VPS13A: variants seen among roughly 807,000 people sequenced by gnomAD.
VPS13A encodes intermembrane lipid transfer protein VPS13A.
In VPS13A, 264 loss-of-function variants were observed where a neutral mutation model predicts 390.9. The observed-to-expected ratio is 0.68, with a 90% CI of 0.61 to 0.75. The LOEUF is 0.75. VPS13A is among the 30% of genes least tolerant of loss of function. The pLI is 0.00. For missense variants in VPS13A, 3,409 were observed against 3,733.9 expected (o/e 0.91, Z 2.27); for synonymous variants, 1,231 against 1,227.1 (o/e 1.00, Z -0.07).
Position 77,346,180 on chromosome 9 carries a change from A to AT in VPS13A, c.7289+1047dup, listed in dbSNP as rs574802493. Among the ~76,000 whole-genome samples the AT allele has an allele frequency of 1.8e-4, 27 of 150,772 alleles. No individual in the cohort carries two copies. In the South Asian group the frequency reaches 4.2e-3, roughly 23 times the overall value. On this transcript the variant is annotated intron_variant, in intron 52 of 71. Coordinates refer to ENST00000360280, the MANE Select transcript of VPS13A (RefSeq NM_033305.3). ...TTTCACCACATCCATGTTAACATCT[A>AT]TTTTTTTTTAATTTAAATTATGATC...
intron 58 of VPS13A, among the ~76,000 whole-genome samples, chr9:77,359,815 CAAA>C (rs1270153072): frequency 1.2e-4 from 7 of 59,640 alleles, no homozygotes; most frequent in South Asian, 1.1e-3. Context: ...AAGACTGTCT[CAAA>C]AAAAAAAAAA....
rs926538069 is a variant in VPS13A, at chr9:77,382,183, T to C, written c.9189+96T>C. 3.7e-6 allele frequency: 5 copies of C among 1,333,704 alleles called. No homozygotes were observed. In the African/African-American group the frequency reaches 4.5e-5, roughly 12 times the overall value. 82.6% of individuals were successfully genotyped at this position (1,333,704 alleles called of 1,614,324 possible). A position where few individuals can be genotyped will look rare whatever the true frequency, so the allele number is the denominator to read the frequency against. On this transcript the variant is annotated intron_variant, in intron 68 of 71. Transcript: ENST00000360280. Reference sequence around the variant, plus strand: ...ATATATATTAAATTATTTGGGCTTTTATCTATTTTGCTTAATTCCACTTAT... The same window carrying C: ...ATATATATTAAATTATTTGGGCTTTCATCTATTTTGCTTAATTCCACTTAT...
At chr9:77,355,274 C>T (rs113510809) in intron 54 of VPS13A, among the ~76,000 whole-genome samples, 1 of 152,186 alleles carries the variant, frequency 6.6e-6, no homozygotes, top group African/African-American at 2.4e-5. Flanking sequence ...CTCCATAATG[C>T]CATATCCAGT....
In VPS13A at chr9:77,402,802, G is replaced by C. The variant is rs532790459; in HGVS notation, c.9190-434G>C. On this transcript the variant is annotated intron_variant, in intron 68 of 71. Transcript: ENST00000360280. Reference sequence around the variant, plus strand: ...GAGATTGACAAAGAAAAGCATATTTGTTACATACGAAATTTCTAGCGCAAG... The same window carrying C: ...GAGATTGACAAAGAAAAGCATATTTCTTACATACGAAATTTCTAGCGCAAG... 2.4e-4 allele frequency among the ~76,000 whole-genome samples: 36 copies of C among 152,228 alleles called. 1 individual carries two copies. The highest frequency in any genetic ancestry group is 8.7e-4 in the African/African-American group (36 of 41,566).
At chr9:77,221,093 A>G in intron 12 of VPS13A, 92 bp from the exon 13 acceptor site, 2 of 1,200,440 alleles carry the variant, frequency 1.7e-6, no homozygotes, top group Non-Finnish European at 2.5e-6. Flanking sequence ...TCTTTGTATT[A>G]TAGTTATGTA....
intron 31 of VPS13A, among the ~76,000 whole-genome samples, chr9:77,286,560 A>G (rs1703925483): frequency 6.6e-6 from 1 of 152,172 alleles, no homozygotes; most frequent in African/African-American, 2.4e-5. Flanking sequence ...TGATCTTAAA[A>G]CATATTACTC....
chr9:77,387,526 G>C (rs1438655821), intron 68 of VPS13A, among the ~76,000 whole-genome samples: 2 of 152,102 alleles, frequency 1.3e-5, no homozygotes, highest in African/African-American at 4.8e-5. Context: ...CCTGACGCTT[G>C]AATAACATAT....
chr9:77,252,847 A>G (rs980296177), intron 22 of VPS13A, among the ~76,000 whole-genome samples: 2 of 152,202 alleles, frequency 1.3e-5, no homozygotes, highest in Non-Finnish European at 2.9e-5. Context: ...GCTGATTAAT[A>G]TTCCTTATAT....
Position 77,190,971 on chromosome 9 carries a change from T to G in VPS13A, c.101-8974T>G, listed in dbSNP as rs144826241. Reference sequence around the variant, plus strand: ...TTTGGATCTCCTCTCTCTCTTTTTTTTTCTTTGTTAGTCTGGCTGGCAATC... The same window carrying G: ...TTTGGATCTCCTCTCTCTCTTTTTTGTTCTTTGTTAGTCTGGCTGGCAATC... On this transcript the variant is annotated intron_variant, in intron 1 of 71. Transcript: ENST00000360280. Among the ~76,000 whole-genome samples, 652 of 152,264 alleles carry G rather than the reference T, an allele frequency of 4.3e-3. 4 individuals are homozygous for G. The highest frequency in any genetic ancestry group is 0.01 in the South Asian group (49 of 4,826).
intron 36 of VPS13A, 105 bp from the exon 37 acceptor site, chr9:77,314,390 G>T (rs1829263013): frequency 3.3e-6 from 4 of 1,206,868 alleles, no homozygotes; most frequent in Non-Finnish European, 4.8e-6. Context: ...ACAGAATTTT[G>T]ATGTTTGTTA....
intron 68 of VPS13A, chr9:77,383,027 T>C (rs1471889194): frequency 1.0e-6 from 1 of 985,248 alleles, no homozygotes; most frequent in Non-Finnish European, 1.2e-6. Context: ...TTATGTTATG[T>C]AGGCTTGCAG....
At chr9:77,362,549 T>G (rs1832201502) in intron 59 of VPS13A, among the ~76,000 whole-genome samples, 1 of 152,266 alleles carries the variant, frequency 6.6e-6, no homozygotes. Flanking sequence ...GGGACATATG[T>G]ATCTTCCTAC....
chr9:77,260,347 ATTACTTTTT>A, intron 23 of VPS13A, 123 bp downstream of exon 23: 1 of 860,638 alleles, frequency 1.2e-6, no homozygotes, highest in Non-Finnish European at 1.7e-6. Flanking sequence ...CATTAAGAAA[ATTACTTTTT>A]TTTTTTTTTT....
intron 1 of VPS13A, 127 bp from the exon 2 acceptor site, chr9:77,199,818 A>T (rs1172834389): frequency 1.4e-6 from 1 of 724,490 alleles, no homozygotes; most frequent in Non-Finnish European, 2.2e-6. Flanking sequence ...TTATAGGCAG[A>T]TTATATTATC....
intron 1 of VPS13A, among the ~76,000 whole-genome samples, chr9:77,185,499 CTG>C (rs1310387283): frequency 1.3e-5 from 2 of 152,078 alleles, no homozygotes; most frequent in Non-Finnish European, 2.9e-5. Context: ...TAGTTAGTGT[CTG>C]TTGGAGAATT....
At chr9:77,347,672 T>C (rs1334564596) in intron 52 of VPS13A, among the ~76,000 whole-genome samples, 1 of 152,162 alleles carries the variant, frequency 6.6e-6, no homozygotes. Flanking sequence ...TCTATCTCTA[T>C]ATATCTAGTC....
intron 65 of VPS13A, 73 bp from the exon 66 acceptor site, chr9:77,370,817 G>A: frequency 1.3e-6 from 2 of 1,583,690 alleles, no homozygotes; most frequent in South Asian, 1.1e-5. Flanking sequence ...TGTATTTTTT[G>A]TGTAATCCAA....
intron 1 of VPS13A, among the ~76,000 whole-genome samples, chr9:77,191,241 C>G (rs112122501): frequency 6.7e-6 from 1 of 150,362 alleles, no homozygotes; most frequent in Non-Finnish European, 1.5e-5. Context: ...TATATTGTAT[C>G]TTTGTTTTCA....
At chr9:77,405,073 A>C (rs1436590314) in intron 69 of VPS13A, among the ~76,000 whole-genome samples, 3 of 152,216 alleles carry the variant, frequency 2.0e-5, no homozygotes, top group Non-Finnish European at 2.9e-5. Flanking sequence ...ATTAAGAAGA[A>C]AGACATTTGA....
Sources: gnomAD v4.1 joint callset for allele counts (sites outside exome capture counted in the v4.1 genomes callset) on GRCh38, gnomAD v4.1.1 for gene constraint, MANE v1.5 for transcripts, NCBI Gene and HGNC (gene_info 2026-07-23, HGNC 2026-07-21) for gene names.